NELL1: variants seen among roughly 807,000 people sequenced by gnomAD.
The protein encoded by NELL1 is protein kinase C-binding protein NELL1.
Under a neutral mutation model 107.4 loss-of-function variants are expected in NELL1, and 76 were observed. That is an observed-to-expected ratio of 0.71 (90% CI 0.59 to 0.86). NELL1 has a LOEUF of 0.86. Among genes scored for constraint, NELL1 ranks in the 40% least tolerant of loss-of-function variants. NELL1 has a pLI of 0.00. For synonymous variants in NELL1, 353 were observed against 341.2 expected, an observed-to-expected ratio of 1.03 and a Z score of -0.38; for missense variants, 1,024 against 1,005.5, an observed-to-expected ratio of 1.02 and a Z score of -0.25.
chr11:20,906,142 T>C (rs1336162414), intron 5 of NELL1, among the ~76,000 whole-genome samples: 1 of 152,104 alleles, frequency 6.6e-6, no homozygotes, highest in Admixed American at 6.6e-5. Flanking sequence ...ATATTTAAAG[T>C]AGGGTCATTA....
At chr11:20,805,881 C>CT (rs1400393820) in intron 3 of NELL1, among the ~76,000 whole-genome samples, 1 of 152,318 alleles carries the variant, frequency 6.6e-6, no homozygotes, top group African/African-American at 2.4e-5. Flanking sequence ...AAAAACTGCA[C>CT]TTTAACTTCA....
intron 13 of NELL1, among the ~76,000 whole-genome samples, chr11:21,181,395 GA>G (rs113473226): frequency 9.4e-5 from 14 of 149,608 alleles, no homozygotes; most frequent in African/African-American, 3.2e-4. Context: ...TTATTGAAAG[GA>G]GAAAAAAAAG....
intron 3 of NELL1, among the ~76,000 whole-genome samples, chr11:20,786,932 CG>C (rs1564909109): frequency 1.6e-5 from 2 of 125,278 alleles, no homozygotes. Flanking sequence ...GGTATGAACC[CG>C]GGAGGTGGAG....
At chr11:20,762,680 C>T (rs1017672276) in intron 2 of NELL1, among the ~76,000 whole-genome samples, 2 of 152,216 alleles carry the variant, frequency 1.3e-5, no homozygotes, top group Admixed American at 6.5e-5. Flanking sequence ...GAGAGGGCTA[C>T]AGCCATCGTT....
intron 2 of NELL1, among the ~76,000 whole-genome samples, chr11:20,767,719 T>TATTCATTC (rs112687398): frequency 0.013 from 1,958 of 150,820 alleles, 35 homozygotes; most frequent in African/African-American, 0.044. Context: ...CAATATATCA[T>TATTCATTC]ATTCATTCAT....
Position 20,854,071 on chromosome 11 carries a change from G to A in NELL1, c.506+6318G>A, listed in dbSNP as rs568097365. Among the ~76,000 whole-genome samples the A allele has an allele frequency of 3.3e-5, 5 of 152,234 alleles. No homozygotes were observed. The East Asian group carries it at 9.7e-4, about 29-fold the overall frequency. ...CATGGCTTTTATGAAAGGATGTAAA[G>A]TTTTGACTTTACAAATGAGGGAACT... is the stretch of plus-strand genomic sequence containing the variant. On this transcript the variant is annotated intron_variant, in intron 4 of 19. Coordinates refer to ENST00000357134, the MANE Select transcript of NELL1 (RefSeq NM_006157.5).
chr11:21,123,340 T>A (rs1436253622), intron 13 of NELL1, among the ~76,000 whole-genome samples: 6 of 77,182 alleles, frequency 7.8e-5, no homozygotes, highest in African/African-American at 2.7e-4. Context: ...CCTGCGTGTG[T>A]GTGTGTGTGT....
intron 13 of NELL1, among the ~76,000 whole-genome samples, chr11:21,120,455 G>A (rs1855340819): frequency 6.6e-6 from 1 of 152,132 alleles, no homozygotes; most frequent in East Asian, 1.9e-4. Flanking sequence ...TCCGCAACCT[G>A]ATTGAGCAAA....
chr11:20,908,173 A>G (rs903780177), intron 5 of NELL1, among the ~76,000 whole-genome samples: 5 of 152,270 alleles, frequency 3.3e-5, no homozygotes, highest in South Asian at 2.1e-4. Context: ...AACCAGAAAT[A>G]CCATTTGACC....
At chr11:21,546,084 C>A (rs1321649340) in intron 16 of NELL1, among the ~76,000 whole-genome samples, 1 of 152,058 alleles carries the variant, frequency 6.6e-6, no homozygotes, top group South Asian at 2.1e-4. Flanking sequence ...GGAAATGGAA[C>A]CATAGTTTTT....
Position 21,326,061 on chromosome 11 carries a change from TTTTTTTTTTTTTTTTTTTTTG to T in NELL1, c.1550-44791_1550-44771del, listed in dbSNP as rs1464179634. On this transcript the variant is annotated intron_variant, in intron 14 of 19. Coordinates refer to ENST00000357134, the MANE Select transcript of NELL1 (RefSeq NM_006157.5). Reference sequence around the variant, plus strand: ...TGTGTTAATCCTAGTTTTTTTTTTTTTTTTTTTTTTTTTTTTTTTTGGGCTATTTTGAGTAAAGCTTAAATG... The same window carrying T: ...TGTGTTAATCCTAGTTTTTTTTTTTTGGCTATTTTGAGTAAAGCTTAAATG... Among the ~76,000 whole-genome samples the T allele has an allele frequency of 2.3e-3, 240 of 105,260 alleles. 4 individuals are homozygous for T. Among genetic ancestry groups the T allele is most frequent in the African/African-American group, 8.2e-3 (233 of 28,440 alleles). The allele number at this position is 105,260 out of a possible 152,430, so 69.1% of individuals were successfully genotyped here. A position where few individuals can be genotyped will look rare whatever the true frequency, so the allele number is the denominator to read the frequency against.
intron 16 of NELL1, among the ~76,000 whole-genome samples, chr11:21,559,399 G>A (rs963039112): frequency 3.9e-5 from 6 of 152,066 alleles, no homozygotes; most frequent in Non-Finnish European, 7.4e-5. Flanking sequence ...CTTAAGCCAG[G>A]GTTGGACAGG....
chr11:21,074,828 A>G (rs978677051), intron 12 of NELL1, among the ~76,000 whole-genome samples: 13 of 152,204 alleles, frequency 8.5e-5, no homozygotes, highest in African/African-American at 3.1e-4. Context: ...AGGCTCTTAT[A>G]TACTCCCATT....
At chr11:21,382,916 A>T (rs897715741) in intron 15 of NELL1, among the ~76,000 whole-genome samples, 2 of 151,928 alleles carry the variant, frequency 1.3e-5, no homozygotes, top group African/African-American at 4.8e-5. Context: ...CACCACTGTA[A>T]CTTTAAACAC....
chr11:20,716,721 CT>C (rs1855258959), intron 2 of NELL1, among the ~76,000 whole-genome samples: 1 of 152,180 alleles, frequency 6.6e-6, no homozygotes, highest in South Asian at 2.1e-4. Flanking sequence ...GCTGTGTAAT[CT>C]TGGGCAATTT....
rs182045866 is a variant in NELL1 at position 21,488,646 on chromosome 11, A to G, written c.1646-45728A>G. ...AATACCAAGAGGAACTTTGAAAAGT[A>G]TACAAATACAAAGAAATTAAACAAC... On this transcript the variant is annotated intron_variant, in intron 15 of 19. Transcript: ENST00000357134. 1.6e-4 allele frequency among the ~76,000 whole-genome samples: 24 copies of G among 152,308 alleles called. No individual in the cohort carries two copies. The East Asian group carries it at 3.5e-3, about 22-fold the overall frequency.
intron 3 of NELL1, among the ~76,000 whole-genome samples, chr11:20,821,318 G>A (rs1857747023): frequency 6.6e-6 from 1 of 152,096 alleles, no homozygotes; most frequent in Admixed American, 6.6e-5. Flanking sequence ...TTAATTTCTG[G>A]GAGAGTTTAC....
chr11:21,288,478 CA>C (rs1443988287), intron 14 of NELL1, among the ~76,000 whole-genome samples: 2 of 152,182 alleles, frequency 1.3e-5, no homozygotes, highest in African/African-American at 4.8e-5. Context: ...CTTCTCTTTA[CA>C]GATTTGTTTT....
At chr11:21,160,608 A>G (rs1302065743) in intron 13 of NELL1, among the ~76,000 whole-genome samples, 2 of 152,294 alleles carry the variant, frequency 1.3e-5, no homozygotes, top group Admixed American at 6.5e-5. Flanking sequence ...GTGTGTAATC[A>G]TAACATTTGA....
Sources: gnomAD v4.1 joint callset for allele counts (sites outside exome capture counted in the v4.1 genomes callset) on GRCh38, gnomAD v4.1.1 for gene constraint, MANE v1.5 for transcripts, NCBI Gene and HGNC (gene_info 2026-07-23, HGNC 2026-07-21) for gene names.